The following CELF4 variants were observed in gnomAD, a reference collection of about 807,000 sequenced individuals.
CELF4 encodes CUGBP Elav-like family member 4, also known as CUG-BP- and ETR-3-like factor 4.
In CELF4, 18 loss-of-function variants were observed where a neutral mutation model predicts 59.9. That is an observed-to-expected ratio of 0.30 (90% CI 0.21 to 0.45). The LOEUF is 0.45. Among genes scored for constraint, CELF4 ranks in the 20% least tolerant of loss-of-function variants. The pLI, the probability that CELF4 is intolerant of heterozygous loss-of-function variation, is 1.00. For synonymous variants in CELF4, 261 were observed against 267.1 expected (o/e 0.98, Z 0.22); for missense variants, 456 against 689.0 (o/e 0.66, Z 3.79).
In CELF4 at chr18:37,510,039, C is replaced by T. The variant is rs117091195; in HGVS notation, c.287-24432G>A. Among the ~76,000 whole-genome samples the T allele has an allele frequency of 1.1e-3, 164 of 152,246 alleles. 3 individuals carry two copies. In the East Asian group the frequency reaches 0.017, roughly 16 times the overall value. On this transcript the variant is annotated intron_variant, in intron 1 of 12. Coordinates refer to ENST00000420428, the MANE Select transcript of CELF4 (RefSeq NM_020180.4). Reference sequence around the variant, plus strand: ...ATGGGGTATAACTGCCTAATGCACACGAAGGTTTCCTTCTAGGATGATGAA... The same window carrying T: ...ATGGGGTATAACTGCCTAATGCACATGAAGGTTTCCTTCTAGGATGATGAA...
chr18:37,260,085 C>T (rs2073339987), intron 10 of CELF4, among the ~76,000 whole-genome samples: 2 of 152,166 alleles, frequency 1.3e-5, no homozygotes, highest in African/African-American at 4.8e-5. Context: ...TCATCATTGC[C>T]ACTTCACAGA....
Position 37,290,286 on chromosome 18 carries a change from C to T in CELF4, c.449-15043G>A, listed in dbSNP as rs2095246276. Among the ~76,000 whole-genome samples the T allele has an allele frequency of 2.0e-5, 3 of 152,194 alleles. No homozygotes were observed. The South Asian group carries it at 6.2e-4, about 31-fold the overall frequency. On this transcript the variant is annotated intron_variant, in intron 3 of 12. Transcript: ENST00000420428. ...CACCTCAAGCTTTGTCTGCTGGCTG[C>T]ATCAGAAAGCTTCATCCACAGGTAT...
intron 2 of CELF4, among the ~76,000 whole-genome samples, chr18:37,413,060 C>G (rs2099488771): frequency 6.6e-6 from 1 of 152,156 alleles, no homozygotes; most frequent in Non-Finnish European, 1.5e-5. Context: ...TCATGCCTTT[C>G]CAGCTAGCTG....
At chr18:37,531,146 G>A (rs1330088882) in intron 1 of CELF4, among the ~76,000 whole-genome samples, 3 of 152,080 alleles carry the variant, frequency 2.0e-5, no homozygotes, top group South Asian at 2.1e-4. Flanking sequence ...AGCTTGAATC[G>A]TTGCCCAGAG....
intron 2 of CELF4, among the ~76,000 whole-genome samples, chr18:37,447,808 C>T (rs1300447023): frequency 6.6e-6 from 1 of 152,206 alleles, no homozygotes; most frequent in Non-Finnish European, 1.5e-5. Flanking sequence ...GTGGGAGATT[C>T]ATTCACTTAT....
intron 2 of CELF4, among the ~76,000 whole-genome samples, chr18:37,385,354 C>CAAAAAAAAAAAAAAA (rs34504926): frequency 4.0e-5 from 4 of 100,452 alleles, no homozygotes; most frequent in Admixed American, 1.2e-4. Context: ...GACTCCATCT[C>CAAAAAAAAAAAAAAA]AAAAAAAAAA....
intron 1 of CELF4, chr18:37,485,989 C>T (rs1211103131): frequency 6.1e-6 from 1 of 165,036 alleles, no homozygotes; most frequent in Non-Finnish European, 1.3e-5. Flanking sequence ...ACCCCCAGCA[C>T]CTCTAGCCAC....
chr18:37,420,058 G>T lies in CELF4; in HGVS notation c.369+65467C>A, dbSNP rs112005350. 3.0e-4 allele frequency among the ~76,000 whole-genome samples: 45 copies of T among 152,364 alleles called. 1 individual carries two copies. Among genetic ancestry groups the T allele is most frequent in the African/African-American group, 9.4e-4 (39 of 41,596 alleles). ...ACATGCTTTTGACACCCTGCTGGGA[G>T]GCTTGGGGGTGGGAAGGGTGGACCG... On this transcript the variant is annotated intron_variant, in intron 2 of 12. Coordinates refer to ENST00000420428, the MANE Select transcript of CELF4 (RefSeq NM_020180.4).
At chr18:37,259,034 C>G in intron 11 of CELF4, 147 bp downstream of exon 11, 3 of 1,228,520 alleles carry the variant, frequency 2.4e-6, no homozygotes, top group Non-Finnish European at 3.4e-6. Context: ...TGTGAAGGAG[C>G]AGGTTAAAAG....
intron 2 of CELF4, among the ~76,000 whole-genome samples, chr18:37,365,443 G>GAA (rs747433109): frequency 6.9e-6 from 1 of 145,528 alleles, no homozygotes; most frequent in Non-Finnish European, 1.5e-5. Flanking sequence ...AGGCAGAGGA[G>GAA]AGAATTTCTT....
In CELF4 at chr18:37,405,003, A is replaced by G. The variant is rs8095880; in HGVS notation, c.369+80522T>C. The stretch of plus-strand genomic sequence containing the variant: ...AAAAAAACAAAACAAAACAAAAAAA[A>G]GTCCATCATACACCTGCACCCAGCC... On this transcript the variant is annotated intron_variant, in intron 2 of 12. Coordinates refer to ENST00000420428, the MANE Select transcript of CELF4 (RefSeq NM_020180.4). 7.2e-3 allele frequency among the ~76,000 whole-genome samples: 1,101 copies of G among 152,290 alleles called. 17 individuals carry two copies. Among genetic ancestry groups the G allele is most frequent in the African/African-American group, 0.025 (1,051 of 41,554 alleles).
chr18:37,559,893 T>C (rs1384637829), intron 1 of CELF4, among the ~76,000 whole-genome samples: 2 of 152,214 alleles, frequency 1.3e-5, no homozygotes, highest in African/African-American at 4.8e-5. Context: ...AGCTCCCTGA[T>C]AGAACTCAGA....
intron 2 of CELF4, among the ~76,000 whole-genome samples, chr18:37,455,106 C>T (rs2099774599): frequency 6.6e-6 from 1 of 152,230 alleles, no homozygotes; most frequent in South Asian, 2.1e-4. Flanking sequence ...CACTCAAAAC[C>T]TCTGGGCTTT....
At chr18:37,361,690 C>T (rs1474638651) in intron 2 of CELF4, among the ~76,000 whole-genome samples, 11 of 152,100 alleles carry the variant, frequency 7.2e-5, no homozygotes, top group African/African-American at 2.7e-4. Flanking sequence ...TTATTCCCGC[C>T]TCTTTCCCTC....
At chr18:37,378,246 G>T (rs1242044683) in intron 2 of CELF4, among the ~76,000 whole-genome samples, 1 of 152,172 alleles carries the variant, frequency 6.6e-6, no homozygotes, top group Non-Finnish European at 1.5e-5. Context: ...GGAGCGGAAG[G>T]TGCTTTCTCT....
At chr18:37,431,929 C>G (rs1381079283) in intron 2 of CELF4, among the ~76,000 whole-genome samples, 3 of 152,322 alleles carry the variant, frequency 2.0e-5, no homozygotes, top group African/African-American at 7.2e-5. Flanking sequence ...GAGTCCTTGG[C>G]TTTCGTTCTG....
At chr18:37,385,377 GAAAGA>G (rs1603633010) in intron 2 of CELF4, among the ~76,000 whole-genome samples, 3 of 141,896 alleles carry the variant, frequency 2.1e-5, no homozygotes, top group East Asian at 2.1e-4. Context: ...AAAAAAGAAA[GAAAGA>G]AAAGAAAGAA....
chr18:37,400,329 TG>T (rs2154580901), intron 2 of CELF4, among the ~76,000 whole-genome samples: 1 of 22,006 alleles, frequency 4.5e-5, no homozygotes, highest in South Asian at 2.8e-3. Flanking sequence ...TATATGTATA[TG>T]TGTGTGTATG....
chr18:37,325,868 G>A (rs1379053401), intron 2 of CELF4, among the ~76,000 whole-genome samples: 4 of 152,242 alleles, frequency 2.6e-5, no homozygotes, highest in African/African-American at 9.6e-5. Flanking sequence ...CAGCCTTTGA[G>A]GGGCTTGTCA....
Sources: allele counts gnomAD v4.1 joint callset (sites outside exome capture counted in the v4.1 genomes callset), GRCh38; gene constraint gnomAD v4.1.1; transcripts MANE v1.5; gene names NCBI Gene and HGNC (gene_info 2026-07-23, HGNC 2026-07-21).